ASTL: variants seen among roughly 807,000 people sequenced by gnomAD.
The protein encoded by ASTL is astacin like metalloendopeptidase.
Under a neutral mutation model 36.7 loss-of-function variants are expected in ASTL, and 27 were observed. That is an observed-to-expected ratio of 0.73 (90% CI 0.54 to 1.01). ASTL has a LOEUF of 1.01. Ranked by LOEUF, ASTL falls within the 50% of genes least tolerant of loss-of-function variation. ASTL has a pLI of 0.00. For missense variants in ASTL, 524 were observed against 572.8 expected (o/e 0.91, Z 0.87); for synonymous variants, 222 against 228.1 (o/e 0.97, Z 0.24).
intron 8 of ASTL, 74 bp downstream of exon 8, chr2:96,129,750 G>C: frequency 7.1e-7 from 1 of 1,414,576 alleles, no homozygotes; most frequent in Non-Finnish European, 9.5e-7. Context: ...CTCCCTCCTT[G>C]TCACCCTCCC....
chr2:96,128,153 A>G (rs1682100102), intron 8 of ASTL, among the ~76,000 whole-genome samples: 1 of 151,726 alleles, frequency 6.6e-6, no homozygotes, highest in African/African-American at 2.4e-5. Flanking sequence ...AATCACTTGA[A>G]CCTGGGAGGC....
At chr2:96,135,721 G>A (rs1206785986) in intron 2 of ASTL, among the ~76,000 whole-genome samples, 1 of 152,314 alleles carries the variant, frequency 6.6e-6, no homozygotes, top group South Asian at 2.1e-4. Flanking sequence ...TCCTGACTGT[G>A]GAGCTAGAGG....
At chr2:96,129,720 T>C (rs1682129037) in intron 8 of ASTL, 104 bp downstream of exon 8, 1 of 1,182,312 alleles carries the variant, frequency 8.5e-7, no homozygotes, top group African/African-American at 1.5e-5. Flanking sequence ...GATCTCACCC[T>C]GCTCCCCCTG....
chr2:96,133,807 A>C (rs1290514781), intron 4 of ASTL, 158 bp downstream of exon 4: 2 of 675,022 alleles, frequency 3.0e-6, no homozygotes, highest in Non-Finnish European at 5.4e-6. Context: ...CTCCCTACTC[A>C]GGAGACCTTC....
At position 96,132,579 on chromosome 2, in the gene ASTL, C is replaced by A. The variant is rs751579283; in HGVS notation, c.598G>T (p.Asp200Tyr). 1 of 1,611,446 alleles carries A rather than the reference C, an allele frequency of 6.2e-7. No individual in the cohort carries two copies. The highest frequency in any genetic ancestry group is 1.1e-5 in the South Asian group (1 of 90,998). The change falls in exon 6 of 9, where the codon GAC becomes TAC. Residue 200 changes from aspartate to tyrosine, a missense_variant. By Grantham distance (160) the Asp-to-Tyr change is radical (BLOSUM62 -3). Transcript: ENST00000342380. The surrounding 1 kb of genome is among the most constrained non-coding windows in gnomAD (Gnocchi z 5.4). Reference protein sequence around the residue: ...FWHEHTRADRDRYIRVNWNEI... With the variant: ...FWHEHTRADRYRYIRVNWNEI... Reference sequence around the variant, plus strand: ...TTCCAGTTGACACGGATATAGCGGTCCCGGTCGGCCCGCGTGTGCTCGTGC... The same window carrying A: ...TTCCAGTTGACACGGATATAGCGGTACCGGTCGGCCCGCGTGTGCTCGTGC...
chr2:96,132,739 C>T lies in ASTL; in HGVS notation c.456-18G>A. 3.8e-6 allele frequency: 6 copies of T among 1,596,054 alleles called. No homozygotes were observed. Among genetic ancestry groups the T allele is most frequent in the Non-Finnish European group, 5.1e-6 (6 of 1,166,386 alleles). ...AGAAGCACCTGCAGGGTGATGAGAGCAAGTGGGGTAAGTGCCAGCCCAGAT... is the reference window on the plus strand; with the variant it reads ...AGAAGCACCTGCAGGGTGATGAGAGTAAGTGGGGTAAGTGCCAGCCCAGAT... On this transcript the variant is annotated intron_variant, in intron 5 of 8. Coordinates refer to ENST00000342380, the MANE Select transcript of ASTL (RefSeq NM_001002036.4). The surrounding 1 kb of genome is among the most constrained non-coding windows in gnomAD (Gnocchi z 5.4).
At chr2:96,138,359 G>A in intron 1 of ASTL, 23 bp downstream of exon 1, 1 of 1,598,552 alleles carries the variant, frequency 6.3e-7, no homozygotes, top group South Asian at 1.1e-5. Context: ...GCCAGCAGCA[G>A]GAGGGACAGG....
At chr2:96,129,294 G>A (rs889872234) in intron 8 of ASTL, among the ~76,000 whole-genome samples, 1 of 152,092 alleles carries the variant, frequency 6.6e-6, no homozygotes, top group Non-Finnish European at 1.5e-5. Context: ...TAACAATTGT[G>A]TTTTCTAACT....
At chr2:96,126,408 A>G (rs1682064143) in intron 8 of ASTL, among the ~76,000 whole-genome samples, 1 of 152,234 alleles carries the variant, frequency 6.6e-6, no homozygotes, top group African/African-American at 2.4e-5. Context: ...GATGTTCATC[A>G]TTAGTTATTA....
At chr2:96,135,233 C>T (rs1682269223) in intron 3 of ASTL, 118 bp downstream of exon 3, 3 of 735,146 alleles carry the variant, frequency 4.1e-6, no homozygotes, top group Non-Finnish European at 4.6e-6. Flanking sequence ...AAAGAGGCAT[C>T]TACCAAGCTA....
In ASTL at chr2:96,137,626, G is replaced by A. The variant is rs1682329179; in HGVS notation, c.130C>T (p.Pro44Ser). 6.2e-7 allele frequency: 1 copy of A among 1,613,888 alleles called. No individual in the cohort carries two copies. The highest frequency in any genetic ancestry group is 1.3e-5 in the African/African-American group (1 of 74,900). Residue 44 changes from proline (P) to serine (S), a missense_variant, in exon 2 of 9, where the codon CCT becomes TCT. Transcript: ENST00000342380. ...TCCCCGGAGGCCTGGGTTCCCTCAG[G>A]GGTGAGGCCATCTGGGAAGCTGGTA... ...CGTSFPDGLT[P>S]EGTQASGDKD...
Position 96,132,522 on chromosome 2 carries a change from G to T in ASTL, c.637+18C>A. ...CCCCTCCCCGGCACCAGCCTGTCCTGCGTGTGGCCTGGCTCACCTGGCAGG... is the reference window on the plus strand; with the variant it reads ...CCCCTCCCCGGCACCAGCCTGTCCTTCGTGTGGCCTGGCTCACCTGGCAGG... On this transcript the variant is annotated intron_variant, in intron 6 of 8. Transcript: ENST00000342380. This position sits in a 1 kb window ranked among gnomAD's most constrained non-coding sequence, Gnocchi z 5.4. 1 of 1,578,952 alleles carries T rather than the reference G, an allele frequency of 6.3e-7. No homozygotes were observed. Among genetic ancestry groups the T allele is most frequent in the Admixed American group, 1.7e-5 (1 of 58,890 alleles).
Position 96,124,527 on chromosome 2 carries a change from G to A in ASTL, c.875-256C>T, listed in dbSNP as rs557185215. 2.6e-5 allele frequency among the ~76,000 whole-genome samples: 4 copies of A among 152,136 alleles called. No homozygotes were observed. The South Asian group carries it at 8.3e-4, about 32-fold the overall frequency. On this transcript the variant is annotated intron_variant, in intron 8 of 8. Coordinates refer to ENST00000342380, the MANE Select transcript of ASTL (RefSeq NM_001002036.4). This position sits in a 1 kb window ranked among gnomAD's most constrained non-coding sequence, Gnocchi z 4.1. ...TTCCACCACTGCCCCATTCACACCC[G>A]AGACTGCTGGGACACTTAAGTCACC...
At chr2:96,127,660 G>A (rs1372789120) in intron 8 of ASTL, among the ~76,000 whole-genome samples, 6 of 151,844 alleles carry the variant, frequency 4.0e-5, no homozygotes, top group Non-Finnish European at 7.4e-5. Flanking sequence ...TGCAACCTCC[G>A]CCTCCCAGGT....
chr2:96,124,556 C>CCCAG lies in ASTL; in HGVS notation c.875-289_875-286dup, dbSNP rs1340320102. Among the ~76,000 whole-genome samples, 1 of 152,152 alleles carries CCCAG rather than the reference C, an allele frequency of 6.6e-6. No homozygotes were observed. Among genetic ancestry groups the CCCAG allele is most frequent in the African/African-American group, 2.4e-5 (1 of 41,418 alleles). On this transcript the variant is annotated intron_variant, in intron 8 of 8. Coordinates refer to ENST00000342380, the MANE Select transcript of ASTL (RefSeq NM_001002036.4). This position sits in a 1 kb window ranked among gnomAD's most constrained non-coding sequence, Gnocchi z 4.1. ...CTGCTGGGACACTTAAGTCACCTGA[C>CCCAG]CCAGCACCAAAGCGCCCACCTTCCG...
At chr2:96,135,253 C>CTCACACA (rs1170970771) in intron 3 of ASTL, 98 bp downstream of exon 3, 28 of 958,966 alleles carry the variant, frequency 2.9e-5, no homozygotes, top group Admixed American at 6.2e-5. Context: ...ATGTATGTCC[C>CTCACACA]TCACACATCA....
intron 2 of ASTL, among the ~76,000 whole-genome samples, chr2:96,135,752 C>A (rs553378138): frequency 6.6e-6 from 1 of 152,126 alleles, no homozygotes. Flanking sequence ...ACTGAGCCTG[C>A]GTGGCCTCAG....
intron 4 of ASTL, 83 bp downstream of exon 4, chr2:96,133,881 TA>T: frequency 1.1e-6 from 1 of 910,384 alleles, no homozygotes; most frequent in Non-Finnish European, 1.8e-6. Context: ...TGTGATGGTG[TA>T]AGAGGAAAAG....
rs191347900 is a variant in ASTL at position 96,123,303 on chromosome 2, C to T, written c.*547G>A. On this transcript the variant is annotated 3_prime_UTR_variant, in exon 9 of 9. Transcript: ENST00000342380. Reference sequence around the variant, plus strand: ...CTTGACCTACCACCTTCCTGCTCTGCAGGGGAGTAAGTTGGGCTCTCAAAG... The same window carrying T: ...CTTGACCTACCACCTTCCTGCTCTGTAGGGGAGTAAGTTGGGCTCTCAAAG... 4.6e-5 allele frequency among the ~76,000 whole-genome samples: 7 copies of T among 152,364 alleles called. No individual in the cohort carries two copies. The highest frequency in any genetic ancestry group is 1.3e-4 in the Admixed American group (2 of 15,308).
Sources: allele counts gnomAD v4.1 joint callset (sites outside exome capture counted in the v4.1 genomes callset), GRCh38; gene constraint gnomAD v4.1.1; non-coding constraint Gnocchi (gnomAD v3.1); transcripts MANE v1.5; gene names NCBI Gene and HGNC (gene_info 2026-07-23, HGNC 2026-07-21).